The following ASPRV1 variants were observed in gnomAD, a reference collection of about 807,000 sequenced individuals.
ASPRV1 encodes the protein aspartic peptidase retroviral like 1.
In ASPRV1, 7 loss-of-function variants were observed where a neutral mutation model predicts 11.0. That is an observed-to-expected ratio of 0.64 (90% CI 0.36 to 1.20). The LOEUF is 1.20. Ranked by LOEUF, ASPRV1 falls within the 50% of genes most tolerant of loss-of-function variation. ASPRV1 has a pLI of 0.02. For missense variants in ASPRV1, 299 were observed against 320.0 expected, an observed-to-expected ratio of 0.93 and a Z score of 0.50; for synonymous variants, 136 against 138.4, an observed-to-expected ratio of 0.98 and a Z score of 0.12.
At chr2:70,026,236 T>C in the ASPRV1 span, among the ~76,000 whole-genome samples, 6 of 152,134 alleles carry the variant, frequency 3.9e-5, no homozygotes, top group Middle Eastern at 3.2e-3. Flanking sequence ...GGAGAATCAC[T>C]TGGGCACTCC....
the ASPRV1 span, among the ~76,000 whole-genome samples, chr2:70,057,480 T>C: frequency 2.6e-5 from 4 of 152,012 alleles, no homozygotes; most frequent in African/African-American, 7.3e-5. Context: ...CCATCCATTA[T>C]GTATCTTTTT....
At chr2:70,031,908 C>G in the ASPRV1 span, 1 of 152,202 alleles carries the variant, frequency 6.6e-6, no homozygotes, top group African/African-American at 2.4e-5. Context: ...ATAAGGCTTA[C>G]ATTTTACAGG....
At chr2:70,030,140 T>A in the ASPRV1 span, 1 of 152,228 alleles carries the variant, frequency 6.6e-6, no homozygotes, top group Admixed American at 6.5e-5. Context: ...TTTGGTAGTT[T>A]CACTGACTAG....
chr2:69,952,998 T>C, the ASPRV1 span, among the ~76,000 whole-genome samples: 2 of 152,226 alleles, frequency 1.3e-5, no homozygotes, highest in Non-Finnish European at 2.9e-5. Context: ...CCATCAGGCC[T>C]TCTGCCCTGC....
At chr2:69,937,182 G>A in the ASPRV1 span, 1 of 1,606,804 alleles carries the variant, frequency 6.2e-7, no homozygotes, top group Non-Finnish European at 8.5e-7. Flanking sequence ...GGGGGCCATT[G>A]CCCATTTAGA....
chr2:70,057,058 G>C, the ASPRV1 span, among the ~76,000 whole-genome samples: 3 of 151,450 alleles, frequency 2.0e-5, no homozygotes, highest in African/African-American at 7.3e-5. Flanking sequence ...TTTTTAAAAA[G>C]GTAATGTTCA....
At chr2:70,072,914 A>G in the ASPRV1 span, among the ~76,000 whole-genome samples, 2 of 150,810 alleles carry the variant, frequency 1.3e-5, no homozygotes, top group Non-Finnish European at 3.0e-5. Flanking sequence ...AAAAAAAAAA[A>G]AACAGCCGGG....
the ASPRV1 span, chr2:70,055,737 A>T: frequency 6.6e-5 from 10 of 152,252 alleles, no homozygotes; most frequent in East Asian, 1.9e-3. Context: ...ACATGTATCC[A>T]GTTTTGTTTT....
chr2:70,020,159 A>G, the ASPRV1 span, among the ~76,000 whole-genome samples: 6 of 152,348 alleles, frequency 3.9e-5, no homozygotes, highest in East Asian at 5.8e-4. Context: ...AAAATGGTGT[A>G]GCTGCTGGAG....
At chr2:69,955,927 T>C (rs1677927660), downstream of ASPRV1, among the ~76,000 whole-genome samples, 1 of 151,790 alleles carries the variant, frequency 6.6e-6, no homozygotes, top group Admixed American at 6.6e-5. Flanking sequence ...GGCATGCCAG[T>C]AGCAAGAAGC....
the ASPRV1 span, among the ~76,000 whole-genome samples, chr2:69,972,357 G>A: frequency 1.4e-5 from 2 of 141,718 alleles, no homozygotes; most frequent in Admixed American, 7.3e-5. Context: ...CACCGTGCCC[G>A]GCCCTTTTTT....
the ASPRV1 span, chr2:69,988,741 C>G: frequency 1.1e-5 from 5 of 455,748 alleles, no homozygotes; most frequent in East Asian, 6.9e-5. Flanking sequence ...ATGGAACTTA[C>G]GTTCTTCTGA....
At chr2:69,936,270 C>T in the ASPRV1 span, among the ~76,000 whole-genome samples, 1 of 152,138 alleles carries the variant, frequency 6.6e-6, no homozygotes, top group Non-Finnish European at 1.5e-5. Flanking sequence ...CCTGTCATAA[C>T]TGACATTTGA....
chr2:69,984,092 G>A, the ASPRV1 span, among the ~76,000 whole-genome samples: 1 of 152,212 alleles, frequency 6.6e-6, no homozygotes. Context: ...AGGCTGGAGT[G>A]CAGTGGTGCA....
At chr2:70,076,992 GCA>G in the ASPRV1 span, among the ~76,000 whole-genome samples, 1 of 152,144 alleles carries the variant, frequency 6.6e-6, no homozygotes, top group Non-Finnish European at 1.5e-5. Flanking sequence ...TACAAATGAG[GCA>G]CAGTTTTCTT....
At chr2:69,965,951 G>C (rs746363951), upstream of ASPRV1, among the ~76,000 whole-genome samples, 2 of 152,138 alleles carry the variant, frequency 1.3e-5, no homozygotes, top group African/African-American at 2.4e-5. Context: ...TTCCCATTTG[G>C]GTCTCCCTCC....
the ASPRV1 span, among the ~76,000 whole-genome samples, chr2:69,983,875 G>A: frequency 6.6e-6 from 1 of 152,172 alleles, no homozygotes; most frequent in Non-Finnish European, 1.5e-5. Flanking sequence ...AAGCCAGCCA[G>A]TAAGACTGTC....
the ASPRV1 span, chr2:69,988,730 C>G: frequency 2.2e-6 from 1 of 453,928 alleles, no homozygotes; most frequent in Non-Finnish European, 4.4e-6. Flanking sequence ...AAACCTTCCC[C>G]ATGGAACTTA....
At chr2:70,024,643 C>T in the ASPRV1 span, among the ~76,000 whole-genome samples, 1 of 152,316 alleles carries the variant, frequency 6.6e-6, no homozygotes, top group South Asian at 2.1e-4. Flanking sequence ...CTCCCTCTTT[C>T]TCAATCCTCT....
Sources: gnomAD v4.1 joint callset for allele counts (sites outside exome capture counted in the v4.1 genomes callset) on GRCh38, gnomAD v4.1.1 for gene constraint, MANE v1.5 for transcripts, NCBI Gene and HGNC (gene_info 2026-07-23, HGNC 2026-07-21) for gene names.